KAZN: variants seen among roughly 807,000 people sequenced by gnomAD.
KAZN encodes kazrin.
KAZN carries 40 observed loss-of-function variants against 87.4 expected under a neutral mutation model. The observed-to-expected ratio is 0.46, with a 90% confidence interval of 0.36 to 0.60. The LOEUF (loss-of-function observed/expected upper bound fraction) is 0.60. Ranked by LOEUF, KAZN falls within the 20% of genes least tolerant of loss-of-function variation. The pLI is 0.00. For synonymous variants in KAZN, 466 were observed against 458.3 expected, an observed-to-expected ratio of 1.02 and a Z score of -0.22; for missense variants, 898 against 1,073.9, an observed-to-expected ratio of 0.84 and a Z score of 2.29.
In KAZN at chr1:15,066,189, T is replaced by TA. The variant is rs1639212358; in HGVS notation, c.1222+436_1222+437insA. On this transcript the variant is annotated intron_variant, in intron 8 of 14. Coordinates refer to ENST00000376030, the MANE Select transcript of KAZN (RefSeq NM_201628.3). This position sits in a 1 kb window ranked among gnomAD's most constrained non-coding sequence, Gnocchi z 4.3. ...CCCCTTTCTCCTCCCCTCCTCCTTT[T>TA]TATGAAACTTGAAAACTTGAAGGAC... The TA allele has an allele frequency of 3.0e-6, 3 of 999,186 alleles. No homozygotes were observed. Among genetic ancestry groups the TA allele is most frequent in the Non-Finnish European group, 3.6e-6 (3 of 839,196 alleles). The allele number at this position is 999,186 out of a possible 1,614,324, so 61.9% of individuals were successfully genotyped here. A position where few individuals can be genotyped will look rare whatever the true frequency, so the allele number is the denominator to read the frequency against.
intron 1 of KAZN, among the ~76,000 whole-genome samples, chr1:14,908,235 C>T (rs1479922240): frequency 7.4e-5 from 11 of 148,358 alleles, no homozygotes; most frequent in Admixed American, 2.0e-4. Context: ...CCTATCTGTA[C>T]AAAAAATAAA....
At chr1:14,778,348 G>A (rs1645237740) in intron 1 of KAZN, among the ~76,000 whole-genome samples, 1 of 150,886 alleles carries the variant, frequency 6.6e-6, no homozygotes, top group Non-Finnish European at 1.5e-5. Context: ...AGGAAGGGGA[G>A]CCTGGCCACT....
chr1:14,525,760 A>G (rs1387852801), intron 2 of KAZN, among the ~76,000 whole-genome samples: 1 of 152,266 alleles, frequency 6.6e-6, no homozygotes, highest in Non-Finnish European at 1.5e-5. Flanking sequence ...GAATCAAAAT[A>G]TGGCATATAT....
intron 1 of KAZN, among the ~76,000 whole-genome samples, chr1:13,895,309 A>T (rs1216988878): frequency 5.3e-5 from 8 of 152,114 alleles, no homozygotes. Context: ...GCTTTCCTGG[A>T]CTGAGGTTCC....
chr1:14,476,424 A>G (rs1668727812), intron 2 of KAZN, among the ~76,000 whole-genome samples: 1 of 152,220 alleles, frequency 6.6e-6, no homozygotes, highest in Admixed American at 6.5e-5. Context: ...GGCATGTCAC[A>G]GAACAGAAGT....
chr1:14,379,740 G>C (rs879151530), intron 2 of KAZN, among the ~76,000 whole-genome samples: 8 of 152,194 alleles, frequency 5.3e-5, no homozygotes, highest in African/African-American at 1.9e-4. Flanking sequence ...TAGAACACCA[G>C]GTAGATTTCT....
intron 2 of KAZN, among the ~76,000 whole-genome samples, chr1:14,475,544 C>T (rs16850346): frequency 6.6e-6 from 1 of 152,132 alleles, no homozygotes; most frequent in Non-Finnish European, 1.5e-5. Flanking sequence ...TCAGAGACTT[C>T]ACTAAAACCC....
At chr1:14,550,749 G>GCC (rs1557793899) in intron 2 of KAZN, among the ~76,000 whole-genome samples, 2 of 32,462 alleles carry the variant, frequency 6.2e-5, no homozygotes, top group African/African-American at 2.5e-4. Context: ...CCCCCACCCC[G>GCC]CCACCCCCTC....
intron 1 of KAZN, among the ~76,000 whole-genome samples, chr1:14,047,015 TG>T (rs1467951642): frequency 6.6e-6 from 1 of 152,204 alleles, no homozygotes; most frequent in Non-Finnish European, 1.5e-5. Flanking sequence ...CTCTGTCCAG[TG>T]GGTCCACTTT....
chr1:14,991,857 A>T (rs1156233390), intron 2 of KAZN, among the ~76,000 whole-genome samples: 1 of 152,202 alleles, frequency 6.6e-6, no homozygotes, highest in Non-Finnish European at 1.5e-5. Context: ...ACTTCTGGAG[A>T]GAGACAGAAC....
intron 1 of KAZN, among the ~76,000 whole-genome samples, chr1:14,684,894 A>G (rs149314596): frequency 3.7e-4 from 57 of 152,274 alleles, no homozygotes; most frequent in African/African-American, 1.4e-3. Context: ...GCAAGGTAAC[A>G]TATTTGTAAT....
At chr1:14,652,949 A>G (rs1439798620) in intron 1 of KAZN, among the ~76,000 whole-genome samples, 1 of 151,952 alleles carries the variant, frequency 6.6e-6, no homozygotes, top group Non-Finnish European at 1.5e-5. Flanking sequence ...TGCTACTCAT[A>G]CTGCAGTGCC....
intron 1 of KAZN, among the ~76,000 whole-genome samples, chr1:14,052,272 G>A (rs1642371876): frequency 6.6e-6 from 1 of 152,196 alleles, no homozygotes; most frequent in African/African-American, 2.4e-5. Flanking sequence ...TCTGCTTTTT[G>A]CAAAGGCATT....
At chr1:14,672,348 T>G (rs1476587360) in intron 1 of KAZN, among the ~76,000 whole-genome samples, 1 of 152,164 alleles carries the variant, frequency 6.6e-6, no homozygotes, top group African/African-American at 2.4e-5. Flanking sequence ...TGCCCGGCAT[T>G]CACAGCTGGG....
At chr1:14,511,277 C>A (rs1670891040) in intron 2 of KAZN, among the ~76,000 whole-genome samples, 1 of 152,058 alleles carries the variant, frequency 6.6e-6, no homozygotes, top group South Asian at 2.1e-4. Flanking sequence ...CAAACTTTAC[C>A]CAGGAGAGAC....
chr1:13,904,954 A>G (rs908466827), intron 1 of KAZN, among the ~76,000 whole-genome samples: 1 of 152,082 alleles, frequency 6.6e-6, no homozygotes, highest in Non-Finnish European at 1.5e-5. Flanking sequence ...TCTCTGTTGC[A>G]TTCTGGATAA....
Position 14,184,761 on chromosome 1 carries a change from C to T in KAZN, c.249+4169C>T, listed in dbSNP as rs1646269250. Among the ~76,000 whole-genome samples the T allele has an allele frequency of 6.6e-6, 1 of 152,168 alleles. No homozygotes were observed. The highest frequency in any genetic ancestry group is 2.4e-5 in the African/African-American group (1 of 41,446). ...TCAGATGGGGAAGTGCAGTGTGGAC[C>T]AGAGGAAACCTTGGCTCAGGTTCCT... On this transcript the variant is annotated intron_variant, in intron 2 of 16. Coordinates refer to the KAZN transcript ENST00000636203. The surrounding 1 kb of genome is among the most constrained non-coding windows in gnomAD (Gnocchi z 4.2).
rs527382981 is a variant in KAZN at position 14,337,826 on chromosome 1, G to A, written c.249+157234G>A. On this transcript the variant is annotated intron_variant, in intron 2 of 16. Coordinates refer to the KAZN transcript ENST00000636203. The stretch of plus-strand genomic sequence containing the variant: ...GGATAATCGCTTGAACTCAGGAGGC[G>A]GAGGTTATGATGAGCCAAGATTGAA... Among the ~76,000 whole-genome samples the A allele has an allele frequency of 1.6e-4, 25 of 151,528 alleles. No homozygotes were observed. In the South Asian group the frequency reaches 2.3e-3, roughly 14 times the overall value.
rs1449958306 is a variant in KAZN at position 14,883,355 on chromosome 1, A to AAAGAAAGAAAGAAAG, written c.227-77327_227-77326insGAAAGAAAGAAAGAA. Among the ~76,000 whole-genome samples the AAAGAAAGAAAGAAAG allele has an allele frequency of 3.0e-3, 61 of 20,618 alleles. 14 individuals are homozygous for AAAGAAAGAAAGAAAG. The highest frequency in any genetic ancestry group is 3.4e-3 in the Non-Finnish European group (36 of 10,482). The allele number at this position is 20,618 out of a possible 152,430, so 13.5% of individuals were successfully genotyped here. ...GAGAGAGAGAGAGAAAGAAAGAAAG[A>AAAGAAAGAAAGAAAG]AAAGAAAGAAAGAAAGAAAGAAAGA... On this transcript the variant is annotated intron_variant, in intron 1 of 14. Transcript: ENST00000376030.
Sources: gnomAD v4.1 joint callset for allele counts (sites outside exome capture counted in the v4.1 genomes callset) on GRCh38, gnomAD v4.1.1 for gene constraint, Gnocchi (gnomAD v3.1) non-coding constraint, MANE v1.5 for transcripts, NCBI Gene and HGNC (gene_info 2026-07-23, HGNC 2026-07-21) for gene names.